Variants in M6PR observed in about 807,000 individuals in gnomAD.
M6PR encodes the protein cation-dependent mannose-6-phosphate receptor.
A neutral mutation model predicts 33.1 loss-of-function variants in M6PR; 19 were observed. The observed-to-expected ratio is 0.57, with a 90% CI of 0.40 to 0.84. The LOEUF (loss-of-function observed/expected upper bound fraction) is 0.84. Ranked by LOEUF, M6PR falls within the 40% of genes least tolerant of loss-of-function variation. The pLI, the probability that M6PR is intolerant of heterozygous loss-of-function variation, is 0.00. For missense variants in M6PR, 295 were observed against 336.0 expected, an observed-to-expected ratio of 0.88 and a Z score of 0.95; for synonymous variants, 111 against 123.4, an observed-to-expected ratio of 0.90 and a Z score of 0.67.
chr12:8,946,179 G>C (rs1175505548), intron 2 of M6PR, 50 bp downstream of exon 2: 1 of 1,534,644 alleles, frequency 6.5e-7, no homozygotes. Context: ...AAGAAGAAAA[G>C]ACTTTAACAT....
At chr12:8,943,673 A>C in intron 4 of M6PR, 128 bp downstream of exon 4, 1 of 1,325,290 alleles carries the variant, frequency 7.5e-7, no homozygotes. Flanking sequence ...TCTGACACAG[A>C]GAGAAACTGA....
chr12:8,941,811 G>A lies in M6PR; in HGVS notation c.*7C>T, dbSNP rs1268181543. On this transcript the variant is annotated 3_prime_UTR_variant, in exon 7 of 7. Coordinates refer to ENST00000000412, the MANE Select transcript of M6PR (RefSeq NM_002355.4). The stretch of plus-strand genomic sequence containing the variant: ...CTGAGGAAGAGGCTGGACATATAAA[G>A]TGCAATCTACATTGGTAATAAATGG... 3 of 1,614,060 alleles carry A rather than the reference G, an allele frequency of 1.9e-6. No individual in the cohort carries two copies.
At position 8,941,793 on chromosome 12, in the gene M6PR, A is replaced by G. The variant is rs985248293; in HGVS notation, c.*25T>C. ...TAGCTTTGGTTTGGGGGACTGAGGA[A>G]GAGGCTGGACATATAAAGTGCAATC... On this transcript the variant is annotated 3_prime_UTR_variant, in exon 7 of 7. Coordinates refer to ENST00000000412, the MANE Select transcript of M6PR (RefSeq NM_002355.4). 6.2e-7 allele frequency: 1 copy of G among 1,613,458 alleles called. No homozygotes were observed. The highest frequency in any genetic ancestry group is 1.7e-5 in the Admixed American group (1 of 60,008).
chr12:8,943,992 C>G (rs1205743667), intron 3 of M6PR, 82 bp from the exon 4 acceptor site: 3 of 882,800 alleles, frequency 3.4e-6, no homozygotes. Context: ...AGTGGAATTG[C>G]GTAATTCATT....
intron 3 of M6PR, among the ~76,000 whole-genome samples, chr12:8,945,082 CAA>C (rs1372297306): frequency 6.6e-6 from 1 of 152,138 alleles, no homozygotes; most frequent in Non-Finnish European, 1.5e-5. Context: ...CGCTTGAACC[CAA>C]GAGGCTGAGG....
rs772582353 is a variant in M6PR, at chr12:8,942,574, A to C, written c.585-32T>G. The C allele has an allele frequency of 5.0e-6, 8 of 1,606,680 alleles. No homozygotes were observed. The Admixed American group carries it at 1.0e-4, about 20-fold the overall frequency. ...AGAGAGAAAGACATCTATACTTAAG[A>C]ACTGGGAAATAGTAAAAACTCAGAT... On this transcript the variant is annotated intron_variant, in intron 5 of 6. Transcript: ENST00000000412.
At chr12:8,943,558 C>T (rs1210033103) in intron 4 of M6PR, 23 bp from the exon 5 acceptor site, 6 of 1,614,110 alleles carry the variant, frequency 3.7e-6, no homozygotes, top group Non-Finnish European at 5.1e-6. Flanking sequence ...TGGCATAACA[C>T]ATTCAGGTGG....
intron 1 of M6PR, chr12:8,946,855 A>T (rs912727677): frequency 2.0e-5 from 3 of 153,594 alleles, no homozygotes; most frequent in African/African-American, 7.2e-5. Flanking sequence ...ATTGGGGATC[A>T]CCAAGCCACT....
At chr12:8,944,451 G>C (rs1805763) in intron 3 of M6PR, among the ~76,000 whole-genome samples, 2,407 of 152,296 alleles carry the variant, frequency 0.016, 70 homozygotes, top group African/African-American at 0.055. Flanking sequence ...GAGAAAACAA[G>C]GTCAAAAGGT....
chr12:8,946,177 AAG>A, intron 2 of M6PR, 50 bp downstream of exon 2: 1 of 1,534,080 alleles, frequency 6.5e-7, no homozygotes, highest in Non-Finnish European at 8.9e-7. Context: ...GTAAGAAGAA[AAG>A]ACTTTAACAT....
chr12:8,945,194 T>C, intron 3 of M6PR: 1 of 460,140 alleles, frequency 2.2e-6, no homozygotes, highest in Non-Finnish European at 3.9e-6. Context: ...GAGTCTTCAT[T>C]TTGCATAAGT....
At position 8,945,437 on chromosome 12, in the gene M6PR, C is replaced by A; in HGVS notation, c.324G>T (p.Glu108Asp). Residue 108 changes from glutamate (E) to aspartate (D), a missense_variant, in exon 3 of 7, where the codon GAG (glutamate) becomes GAT (aspartate). Physicochemically the swap from Glu to Asp is conservative, Grantham distance 45 (BLOSUM62 2). Transcript: ENST00000000412. ...TCTTACTTCCGTTGAAGATGTGAGT[C>A]TCGTTGAGTCTCCCTACCACTGTCT... ...GKETVVGRLNETHIFNGSNWI... is the reference protein window; with the variant it reads ...GKETVVGRLNDTHIFNGSNWI... The A allele has an allele frequency of 6.2e-7, 1 of 1,614,026 alleles. No homozygotes were observed. The highest frequency in any genetic ancestry group is 8.5e-7 in the Non-Finnish European group (1 of 1,179,988).
chr12:8,948,582 A>G (rs1287867545), intron 1 of M6PR, among the ~76,000 whole-genome samples: 1 of 152,268 alleles, frequency 6.6e-6, no homozygotes, highest in African/African-American at 2.4e-5. Context: ...TTCTCAAGGT[A>G]CAAGAGTTTG....
chr12:8,942,477 G>A lies in M6PR; in HGVS notation c.650C>T (p.Ala217Val), dbSNP rs776010315. 1.3e-5 allele frequency: 21 copies of A among 1,614,152 alleles called. No individual in the cohort carries two copies. The highest frequency in any genetic ancestry group is 1.8e-5 in the Non-Finnish European group (21 of 1,180,028). The change falls in exon 6 of 7, where the codon GCC (alanine) becomes GTC (valine). Residue 217 changes from alanine to valine, a missense_variant. By Grantham distance (64) the Ala-to-Val change is moderately conservative. Coordinates refer to ENST00000000412, the MANE Select transcript of M6PR (RefSeq NM_002355.4). ...GTGGGGAAACTGCTCCATTCCTTTG[G>A]CTCCCACTACCAGTCGCTGGTATAG... is the stretch of plus-strand genomic sequence containing the variant. ...GFLYQRLVVG[A>V]KGMEQFPHLA...
At chr12:8,946,559 T>C (rs1592224469) in intron 1 of M6PR, 154 bp from the exon 2 acceptor site, 2 of 558,154 alleles carry the variant, frequency 3.6e-6, no homozygotes, top group Non-Finnish European at 6.2e-6. Context: ...CATTTTAATA[T>C]CTCTGTAACA....
In M6PR at chr12:8,943,820, CAGG is replaced by C. The variant is rs756515600; in HGVS notation, c.431_433del (p.Ser144del). On this transcript the variant is annotated inframe_deletion, in exon 4 of 7. Coordinates refer to ENST00000000412, the MANE Select transcript of M6PR (RefSeq NM_002355.4). ...CCTCACCGCTAGGGTGTGTCGATTG[CAGG>C]AGATCATCACCACTGCACGACGCTG... 9 of 1,612,804 alleles carry C rather than the reference CAGG, an allele frequency of 5.6e-6. No individual in the cohort carries two copies. The highest frequency in any genetic ancestry group is 3.3e-5 in the Admixed American group (2 of 60,010).
chr12:8,941,553 A>G lies in M6PR; in HGVS notation c.*265T>C. ...ATGCCTATTGTAACTTCTGATGTCA[A>G]GAGACAATGCAAAAGCCTCTGTTTT... On this transcript the variant is annotated 3_prime_UTR_variant, in exon 7 of 7. Transcript: ENST00000000412. 1 of 345,112 alleles carries G rather than the reference A, an allele frequency of 2.9e-6. No individual in the cohort carries two copies. Among genetic ancestry groups the G allele is most frequent in the Non-Finnish European group, 5.2e-6 (1 of 190,720 alleles). 21.4% of individuals were successfully genotyped at this position (345,112 alleles called of 1,614,324 possible).
chr12:8,946,454 G>C (rs1192302710), intron 1 of M6PR, 49 bp from the exon 2 acceptor site: 1 of 1,436,798 alleles, frequency 7.0e-7, no homozygotes, highest in Admixed American at 1.7e-5. Flanking sequence ...TCAGGAGAGA[G>C]AGGAAAGAGA....
Position 8,943,786 on chromosome 12 carries a change from C to CAA in M6PR, c.453+14_453+15insTT, listed in dbSNP as rs752929383. The CAA allele has an allele frequency of 6.2e-7, 1 of 1,607,596 alleles. No individual in the cohort carries two copies. The highest frequency in any genetic ancestry group is 1.1e-5 in the South Asian group (1 of 90,904). On this transcript the variant is annotated intron_variant, in intron 4 of 6. Transcript: ENST00000000412. Reference sequence around the variant, plus strand: ...CAGTCTCCTCCCTCGGCTTATACAACACAGGGTGCCTCACCGCTAGGGTGT... The same window carrying CAA: ...CAGTCTCCTCCCTCGGCTTATACAACAAACAGGGTGCCTCACCGCTAGGGTGT...
Sources: allele counts gnomAD v4.1 joint callset (sites outside exome capture counted in the v4.1 genomes callset), GRCh38; gene constraint gnomAD v4.1.1; transcripts MANE v1.5; gene names NCBI Gene and HGNC (gene_info 2026-07-23, HGNC 2026-07-21).